The following DENND2D variants were observed in gnomAD, a reference collection of about 807,000 sequenced individuals.
The protein encoded by DENND2D is DENN domain containing 2D.
In DENND2D, 37 loss-of-function variants were observed where a neutral mutation model predicts 59.8. That is an observed-to-expected ratio of 0.62 (90% confidence interval 0.48 to 0.81). The LOEUF (loss-of-function observed/expected upper bound fraction) is 0.81, where lower values mean the gene tolerates loss of function less well. Ranked by LOEUF, DENND2D falls within the 40% of genes least tolerant of loss-of-function variation. DENND2D has a pLI of 0.00. For missense variants in DENND2D, 525 were observed against 579.7 expected (o/e 0.91, Z 0.97); for synonymous variants, 219 against 211.3 (o/e 1.04, Z -0.31).
intron 7 of DENND2D, 76 bp downstream of exon 7, chr1:111,194,502 G>T: frequency 1.3e-6 from 2 of 1,543,416 alleles, no homozygotes; most frequent in East Asian, 2.3e-5. Flanking sequence ...CATTTTCCTT[G>T]GATAACCTCC....
At position 111,192,257 on chromosome 1, in the gene DENND2D, G is replaced by T; in HGVS notation, c.855C>A (p.His285Gln). The T allele has an allele frequency of 6.2e-7, 1 of 1,613,992 alleles. No individual in the cohort carries two copies. Among genetic ancestry groups the T allele is most frequent in the Non-Finnish European group, 8.5e-7 (1 of 1,179,902 alleles). The change falls in exon 8 of 12, where the codon CAC becomes CAA. Residue 285 changes from histidine (H) to glutamine (Q), a missense_variant. Transcript: ENST00000357640. ...TCTCAGGGACAACAGGGATGTAGGT[G>T]TGCGCCCAGCTGAAGGGGTAGAGCA... is the stretch of plus-strand genomic sequence containing the variant. ...AALLYPFSWA[H>Q]TYIPVVPESL...
chr1:111,196,156 T>C, intron 5 of DENND2D, 100 bp from the exon 6 acceptor site: 1 of 1,424,140 alleles, frequency 7.0e-7, no homozygotes, highest in Non-Finnish European at 9.3e-7. Flanking sequence ...GTTCTCATAC[T>C]GGTTCAGCTG....
chr1:111,188,390 C>T lies in DENND2D; in HGVS notation c.1100-20G>A. On this transcript the variant is annotated intron_variant, in intron 10 of 11. Transcript: ENST00000357640. ...CTGCAGCTGCAGGAGATATAAAGGCCATCTCAGAGGGTAGCAGAAGGATGA... is the reference window on the plus strand; with the variant it reads ...CTGCAGCTGCAGGAGATATAAAGGCTATCTCAGAGGGTAGCAGAAGGATGA... The T allele has an allele frequency of 6.2e-7, 1 of 1,610,800 alleles. No individual in the cohort carries two copies.
chr1:111,197,780 G>A, intron 4 of DENND2D, 140 bp downstream of exon 4: 6 of 1,460,778 alleles, frequency 4.1e-6, no homozygotes, highest in Non-Finnish European at 5.4e-6. Flanking sequence ...GCACTAGCAT[G>A]GCAGCAGGTC....
At chr1:111,201,522 AG>A, upstream of DENND2D, 1 of 152,426 alleles carries the variant, frequency 6.6e-6, no homozygotes, top group East Asian at 1.9e-4. Context: ...CCCAAGCTAC[AG>A]GCACAGCTGC....
At chr1:111,202,790 G>C (rs1226344543), upstream of DENND2D, among the ~76,000 whole-genome samples, 4 of 152,056 alleles carry the variant, frequency 2.6e-5, no homozygotes, top group East Asian at 3.8e-4. Flanking sequence ...AGAATCCCCA[G>C]GCAAGTGGAG....
rs61118056 is a variant in DENND2D at position 111,200,225 on chromosome 1, T to C, written c.67+168A>G. 410 of 865,864 alleles carry C rather than the reference T, an allele frequency of 4.7e-4. 3 individuals are homozygous for C. The African/African-American group carries it at 6.3e-3, about 13-fold the overall frequency. 53.6% of individuals were successfully genotyped at this position (865,864 alleles called of 1,614,324 possible). A position where few individuals can be genotyped will look rare whatever the true frequency, so the allele number is the denominator to read the frequency against. ...GACCACACTAGCCCCAGAGAGGGCATGACCAGCTCTTAAAAACCAGCAGAG... is the reference window on the plus strand; with the variant it reads ...GACCACACTAGCCCCAGAGAGGGCACGACCAGCTCTTAAAAACCAGCAGAG... On this transcript the variant is annotated intron_variant, in intron 1 of 11. Transcript: ENST00000357640.
chr1:111,197,539 G>A, intron 4 of DENND2D: 1 of 1,380,628 alleles, frequency 7.2e-7, no homozygotes, highest in Non-Finnish European at 9.4e-7. Flanking sequence ...AAGGAGGAAA[G>A]CACTGTAAAG....
intron 8 of DENND2D, among the ~76,000 whole-genome samples, chr1:111,190,376 G>T (rs890164628): frequency 6.6e-6 from 1 of 152,152 alleles, no homozygotes; most frequent in South Asian, 2.1e-4. Context: ...GGAGCCTTCA[G>T]TCTAGACCAG....
chr1:111,200,357 C>A (rs768978242), intron 1 of DENND2D, 36 bp downstream of exon 1: 9 of 1,601,918 alleles, frequency 5.6e-6, no homozygotes, highest in East Asian at 2.3e-5. Context: ...AAGAGGGTCA[C>A]CCTAAAAACA....
intron 1 of DENND2D, chr1:111,200,160 A>G: frequency 3.3e-6 from 2 of 597,746 alleles, no homozygotes; most frequent in East Asian, 3.0e-5. Flanking sequence ...TTTAGTTCAT[A>G]CTAAGTGAAT....
At chr1:111,204,279 C>G, upstream of DENND2D, 1 of 1,469,248 alleles carries the variant, frequency 6.8e-7, no homozygotes, top group Non-Finnish European at 9.0e-7. Context: ...CCCGCGCTCT[C>G]CCCGGCCGGC....
In DENND2D at chr1:111,190,154, ACT is replaced by A. The variant is rs367692690; in HGVS notation, c.973-903_973-902del. On this transcript the variant is annotated intron_variant, in intron 8 of 11. Transcript: ENST00000357640. ...ACTCCAGCCTGGGCGACACAGCGAG[ACT>A]CTGTCTCAAAAAAAAAAAAAAAAAA... 2.1e-4 allele frequency among the ~76,000 whole-genome samples: 25 copies of A among 121,762 alleles called. No homozygotes were observed. In the Middle Eastern group the frequency reaches 0.016, roughly 79 times the overall value. 79.9% of individuals were successfully genotyped at this position (121,762 alleles called of 152,430 possible).
At position 111,188,016 on chromosome 1, in the gene DENND2D, A is replaced by G. The variant is rs145667440; in HGVS notation, c.1339+115T>C. 7.6e-4 allele frequency: 1,072 copies of G among 1,415,218 alleles called. 6 individuals carry two copies. In the Middle Eastern group the frequency reaches 0.014, roughly 19 times the overall value. 87.7% of individuals were successfully genotyped at this position (1,415,218 alleles called of 1,614,324 possible). On this transcript the variant is annotated intron_variant, in intron 11 of 11. Coordinates refer to ENST00000357640, the MANE Select transcript of DENND2D (RefSeq NM_024901.5). ...ATGTCATTTCAACTCCACTAATAAA[A>G]GTCTACCTACAGCTATTTTGTGGGT...
upstream of DENND2D, among the ~76,000 whole-genome samples, chr1:111,203,819 G>A (rs938922688): frequency 6.6e-6 from 1 of 152,194 alleles, no homozygotes; most frequent in African/African-American, 2.4e-5. Flanking sequence ...GTTTGTGGCC[G>A]GTGGCTATCT....
In DENND2D at chr1:111,187,269, TGAA is replaced by T; in HGVS notation, c.*333_*335del. 3.7e-6 allele frequency: 1 copy of T among 273,684 alleles called. No individual in the cohort carries two copies. Among genetic ancestry groups the T allele is most frequent in the East Asian group, 7.3e-5 (1 of 13,682 alleles). 17.0% of individuals were successfully genotyped at this position (273,684 alleles called of 1,614,324 possible). On this transcript the variant is annotated 3_prime_UTR_variant, in exon 12 of 12. Coordinates refer to ENST00000357640, the MANE Select transcript of DENND2D (RefSeq NM_024901.5). The stretch of plus-strand genomic sequence containing the variant: ...TTCGACCACAAAGTGTGTTCTGTGT[TGAA>T]GATGTTATAATGATGGGAGAGGGCA...
In DENND2D at chr1:111,198,641, G is replaced by C. The variant is rs548238851; in HGVS notation, c.345C>G (p.Thr115=). The C allele has an allele frequency of 6.2e-7, 1 of 1,613,786 alleles. No individual in the cohort carries two copies. ...GGCTGAGCAATTACCTGGGATACTC[G>C]GTGAGTGATGCCCACTCATTCCCAT... The part of the protein sequence containing the change: ...FPDGNEWASL[T]EYPRETFSFV... Residue 115 remains threonine (T), a synonymous_variant, in exon 3 of 12, where the codon ACC becomes ACG. Coordinates refer to ENST00000357640, the MANE Select transcript of DENND2D (RefSeq NM_024901.5).
At chr1:111,204,530 G>T, upstream of DENND2D, 1 of 591,006 alleles carries the variant, frequency 1.7e-6, no homozygotes, top group Non-Finnish European at 2.6e-6. Flanking sequence ...ACCTGGGCGG[G>T]CCCGCTCTGC....
rs749151170 is a variant in DENND2D at position 111,199,717 on chromosome 1, C to T, written c.149G>A (p.Gly50Glu). 3.7e-6 allele frequency: 6 copies of T among 1,613,990 alleles called. No individual in the cohort carries two copies. Among genetic ancestry groups the T allele is most frequent in the African/African-American group, 2.7e-5 (2 of 74,890 alleles). The change falls in exon 2 of 12, where the codon GGG becomes GAG. Residue 50 changes from glycine (G) to glutamate (E), a missense_variant. By Grantham distance (98) the Gly-to-Glu change is moderately conservative. Coordinates refer to ENST00000357640, the MANE Select transcript of DENND2D (RefSeq NM_024901.5). ...QEHSLPNFAG[G>E]QHFFEYLLVV... ...AAGAAGGTATTCAAAGAAGTGCTGCCCCCCAGCAAAGTTGGGCAAAGAGTG... is the reference window on the plus strand; with the variant it reads ...AAGAAGGTATTCAAAGAAGTGCTGCTCCCCAGCAAAGTTGGGCAAAGAGTG...
Sources: gnomAD v4.1 joint callset for allele counts (sites outside exome capture counted in the v4.1 genomes callset) on GRCh38, gnomAD v4.1.1 for gene constraint, MANE v1.5 for transcripts, NCBI Gene and HGNC (gene_info 2026-07-23, HGNC 2026-07-21) for gene names.